SNTG1: variants seen among roughly 807,000 people sequenced by gnomAD.
SNTG1 encodes the protein gamma-1-syntrophin.
A neutral mutation model predicts 74.7 loss-of-function variants in SNTG1; 39 were observed. The observed-to-expected ratio is 0.52, with a 90% CI of 0.40 to 0.68. The LOEUF is 0.68. SNTG1 is among the 30% of genes least tolerant of loss of function. The pLI is 0.00. For synonymous variants in SNTG1, 254 were observed against 217.1 expected (o/e 1.17, Z -1.49); for missense variants, 685 against 609.5 (o/e 1.12, Z -1.30).
chr8:50,590,421 CTCTA>C (rs2094684033), intron 12 of SNTG1, among the ~76,000 whole-genome samples: 2 of 152,032 alleles, frequency 1.3e-5, no homozygotes, highest in African/African-American at 4.8e-5. Context: ...AAATGTTAGA[CTCTA>C]TCTGGAGTCT....
At chr8:50,103,356 C>T (rs932015421) in intron 1 of SNTG1, among the ~76,000 whole-genome samples, 1 of 152,104 alleles carries the variant, frequency 6.6e-6, no homozygotes, top group Non-Finnish European at 1.5e-5. Flanking sequence ...ATTTGGCTCT[C>T]TGTTTGTCTG....
At chr8:50,252,558 A>G (rs966804362) in intron 2 of SNTG1, among the ~76,000 whole-genome samples, 16 of 152,222 alleles carry the variant, frequency 1.1e-4, no homozygotes, top group African/African-American at 3.4e-4. Context: ...AAGGTTGCAC[A>G]CAAAGCAGAA....
intron 2 of SNTG1, among the ~76,000 whole-genome samples, chr8:50,257,077 CCCCACCAGCAGAAGCACA>C (rs1349182093): frequency 2.6e-5 from 4 of 151,676 alleles, no homozygotes; most frequent in Non-Finnish European, 4.4e-5. Context: ...CATGAAGCAC[CCCCACCAGCAGAAGCACA>C]CCCACCAGCA....
At chr8:50,112,654 C>T (rs1351218719) in intron 1 of SNTG1, among the ~76,000 whole-genome samples, 1 of 150,382 alleles carries the variant, frequency 6.6e-6, no homozygotes, top group East Asian at 2.0e-4. Context: ...TTCCGAGTAG[C>T]TGGGATTACA....
intron 12 of SNTG1, among the ~76,000 whole-genome samples, chr8:50,573,336 C>T (rs1227494532): frequency 6.6e-6 from 1 of 151,900 alleles, no homozygotes; most frequent in African/African-American, 2.4e-5. Flanking sequence ...ATGTGCACTT[C>T]TGTTTCTTAA....
At chr8:50,304,944 C>T (rs2089817969) in intron 2 of SNTG1, among the ~76,000 whole-genome samples, 2 of 151,372 alleles carry the variant, frequency 1.3e-5, no homozygotes, top group South Asian at 4.2e-4. Flanking sequence ...CTCTTTTTGC[C>T]CATGCTGGAG....
At chr8:50,685,968 T>A (rs571746571) in intron 15 of SNTG1, among the ~76,000 whole-genome samples, 1 of 152,308 alleles carries the variant, frequency 6.6e-6, no homozygotes, top group Admixed American at 6.5e-5. Flanking sequence ...GTGTGTGTTC[T>A]TGGGTGCACG....
chr8:50,254,429 A>G (rs935038891), intron 2 of SNTG1, among the ~76,000 whole-genome samples: 6 of 152,228 alleles, frequency 3.9e-5, no homozygotes, highest in African/African-American at 1.2e-4. Flanking sequence ...TTTGTTTTAT[A>G]GCCTGAGTTT....
At chr8:50,774,858 T>G (rs778476238) in intron 18 of SNTG1, among the ~76,000 whole-genome samples, 1 of 151,512 alleles carries the variant, frequency 6.6e-6, no homozygotes, top group Non-Finnish European at 1.5e-5. Context: ...TTGAGCACTA[T>G]TGACGTTGTC....
intron 4 of SNTG1, among the ~76,000 whole-genome samples, chr8:50,418,901 T>C (rs1317168994): frequency 6.6e-6 from 1 of 152,122 alleles, no homozygotes; most frequent in African/African-American, 2.4e-5. Context: ...TAGCTTTCTG[T>C]CAAAAATATA....
At position 50,635,774 on chromosome 8, in the gene SNTG1, TG is replaced by T. The variant is rs2095035260; in HGVS notation, c.850-21134del. Among the ~76,000 whole-genome samples, 15 of 152,300 alleles carry T rather than the reference TG, an allele frequency of 9.8e-5. No individual in the cohort carries two copies. The South Asian group carries it at 3.1e-3, about 32-fold the overall frequency. On this transcript the variant is annotated intron_variant, in intron 13 of 18. Transcript: ENST00000642720. ...TCAGAGATCCCATGAGCCCACTTGA[TG>T]CTCTAACCCCTGTGGTTGAGCTGGT...
At chr8:50,360,961 A>G (rs916758962) in intron 2 of SNTG1, among the ~76,000 whole-genome samples, 5 of 152,170 alleles carry the variant, frequency 3.3e-5, no homozygotes, top group African/African-American at 4.8e-5. Flanking sequence ...AATTTCTTTA[A>G]TAAAAACCTT....
intron 2 of SNTG1, among the ~76,000 whole-genome samples, chr8:50,276,371 TTTTA>T (rs979430652): frequency 1.1e-4 from 9 of 78,380 alleles, no homozygotes; most frequent in African/African-American, 3.7e-4. Context: ...TGCAAGTAAA[TTTTA>T]TATATATATA....
At chr8:50,507,250 C>A (rs1259059488) in intron 9 of SNTG1, among the ~76,000 whole-genome samples, 1 of 151,122 alleles carries the variant, frequency 6.6e-6, no homozygotes, top group South Asian at 2.1e-4. Context: ...TTTTGAGGAC[C>A]TTTGCATTAA....
intron 1 of SNTG1, among the ~76,000 whole-genome samples, chr8:49,914,155 TCAAA>T (rs1438137462): frequency 5.3e-5 from 8 of 152,118 alleles, no homozygotes; most frequent in Admixed American, 4.6e-4. Flanking sequence ...AAGTAGATAG[TCAAA>T]CAAACAAACA....
At chr8:50,363,740 G>A (rs2092030181) in intron 2 of SNTG1, among the ~76,000 whole-genome samples, 1 of 152,212 alleles carries the variant, frequency 6.6e-6, no homozygotes, top group Admixed American at 6.5e-5. Flanking sequence ...GCCATTTTAA[G>A]AGTTTTTGTA....
chr8:50,582,925 A>G (rs1189835905), intron 12 of SNTG1, among the ~76,000 whole-genome samples: 1 of 152,186 alleles, frequency 6.6e-6, no homozygotes, highest in Admixed American at 6.5e-5. Context: ...GAAATCAAAG[A>G]TAATTATAAG....
chr8:50,150,302 G>A (rs1269386977), intron 1 of SNTG1, among the ~76,000 whole-genome samples: 4 of 152,160 alleles, frequency 2.6e-5, no homozygotes, highest in Admixed American at 1.3e-4. Context: ...GGCTGAGACG[G>A]TGGGGTTTTC....
chr8:50,789,644 G>A (rs1229899299), intron 18 of SNTG1, among the ~76,000 whole-genome samples: 3 of 151,920 alleles, frequency 2.0e-5, no homozygotes, highest in Admixed American at 6.6e-5. Context: ...AGAGCAACAC[G>A]TTTTTTCCAG....
Sources: gnomAD v4.1 joint callset for allele counts (sites outside exome capture counted in the v4.1 genomes callset) on GRCh38, gnomAD v4.1.1 for gene constraint, MANE v1.5 for transcripts, NCBI Gene and HGNC (gene_info 2026-07-23, HGNC 2026-07-21) for gene names.